The following NEXMIF variants were observed in gnomAD, a reference collection of about 807,000 sequenced individuals.
The protein encoded by NEXMIF is XLMR protein related to neurite extension.
In NEXMIF, 8 loss-of-function variants were observed where a neutral mutation model predicts 62.1. The ratio of observed to expected loss-of-function variants is 0.13; its 90% confidence interval spans 0.08 to 0.23. The LOEUF (loss-of-function observed/expected upper bound fraction) is 0.23. Among genes scored for constraint, NEXMIF ranks in the 10% least tolerant of loss-of-function variants. The pLI, the probability that NEXMIF is intolerant of heterozygous loss-of-function variation, is 1.00. For synonymous variants in NEXMIF, 404 were observed against 416.6 expected, an observed-to-expected ratio of 0.97 and a Z score of 0.37; for missense variants, 976 against 1,113.3, an observed-to-expected ratio of 0.88 and a Z score of 1.75.
intron 1 of NEXMIF, among the ~76,000 whole-genome samples, chrX:74,813,408 T>G (rs2080366532): frequency 8.9e-6 from 1 of 112,221 alleles, no homozygotes; most frequent in African/African-American, 3.2e-5. Flanking sequence ...GTCCTTCCTT[T>G]AGAAAAGAAG....
chrX:74,866,644 G>T lies in NEXMIF; in HGVS notation c.-48+58239C>A, dbSNP rs140559396. The stretch of plus-strand genomic sequence containing the variant: ...GCTCCCATAATCACCATATGTGGTG[G>T]GAGGGACCTGGTGGGACATAATTGA... On this transcript the variant is annotated intron_variant, in intron 1 of 3. Coordinates refer to ENST00000055682, the MANE Select transcript of NEXMIF (RefSeq NM_001008537.3). 8.9e-5 allele frequency among the ~76,000 whole-genome samples: 10 copies of T among 112,526 alleles called. No individual in the cohort carries two copies. The East Asian group carries it at 2.8e-3, about 32-fold the overall frequency.
chrX:74,903,799 C>T (rs1026364381), intron 1 of NEXMIF, among the ~76,000 whole-genome samples: 2 of 111,204 alleles, frequency 1.8e-5, no homozygotes, highest in African/African-American at 3.3e-5. Flanking sequence ...TCCTTTCTCC[C>T]AGCAAGCCTT....
intron 1 of NEXMIF, among the ~76,000 whole-genome samples, chrX:74,821,193 C>A (rs1281334307): frequency 2.7e-5 from 3 of 111,093 alleles, no homozygotes; most frequent in Non-Finnish European, 5.7e-5. Flanking sequence ...ATACCTCTCC[C>A]ATTCCTTTCC....
chrX:74,841,015 A>C (rs2080472183), intron 1 of NEXMIF, among the ~76,000 whole-genome samples: 1 of 112,275 alleles, frequency 8.9e-6, no homozygotes, highest in Non-Finnish European at 1.9e-5. Flanking sequence ...TAATTCTGTG[A>C]AGAATGTCAT....
At chrX:74,792,957 A>C (rs2080290564) in intron 1 of NEXMIF, among the ~76,000 whole-genome samples, 1 of 106,869 alleles carries the variant, frequency 9.4e-6, no homozygotes, top group South Asian at 4.3e-4. Context: ...TTTTAATTGG[A>C]GCATTTAGTC....
At chrX:74,864,236 G>A (rs184934434) in intron 1 of NEXMIF, among the ~76,000 whole-genome samples, 18 of 111,959 alleles carry the variant, frequency 1.6e-4, no homozygotes, top group South Asian at 7.5e-4. Context: ...CAGGGCAATC[G>A]GTCAAGAGAA....
chrX:74,823,317 G>C (rs944916687), intron 1 of NEXMIF, among the ~76,000 whole-genome samples: 1 of 111,400 alleles, frequency 9.0e-6, no homozygotes, highest in African/African-American at 3.3e-5. Context: ...TGAACTGTAT[G>C]CCTTAAATGC....
chrX:74,793,551 G>C (rs1602229799), intron 1 of NEXMIF, among the ~76,000 whole-genome samples: 1 of 111,441 alleles, frequency 9.0e-6, no homozygotes, highest in East Asian at 2.8e-4. Flanking sequence ...AGTTCTCCTG[G>C]AGAATATCCT....
In NEXMIF at chrX:74,822,002, C is replaced by T. The variant is rs183728976; in HGVS notation, c.-47-76305G>A. 3.3e-3 allele frequency among the ~76,000 whole-genome samples: 368 copies of T among 111,581 alleles called. 2 individuals carry two copies. The highest frequency in any genetic ancestry group is 0.011 in the African/African-American group (345 of 30,710). On this transcript the variant is annotated intron_variant, in intron 1 of 3. Transcript: ENST00000055682. ...TTTGGCTCAAGAGATCCTTCCGCCT[C>T]GGCCTCCCAGTGTTGGGATTACAGG... is the stretch of plus-strand genomic sequence containing the variant.
rs2080817824 is a variant in NEXMIF, at chrX:74,919,214, T to C, written c.-48+5669A>G. Among the ~76,000 whole-genome samples, 4 of 111,944 alleles carry C rather than the reference T, an allele frequency of 3.6e-5. No homozygotes were observed. The Admixed American group carries it at 3.8e-4, about 11-fold the overall frequency. On this transcript the variant is annotated intron_variant, in intron 1 of 3. Coordinates refer to ENST00000055682, the MANE Select transcript of NEXMIF (RefSeq NM_001008537.3). ...CATCACCTCTTTATGTGCATGTGTA[T>C]GTGCAAATACAAACAGGCATTTAGG...
intron 1 of NEXMIF, among the ~76,000 whole-genome samples, chrX:74,896,986 G>A (rs2080734834): frequency 8.9e-6 from 1 of 112,017 alleles, no homozygotes; most frequent in African/African-American, 3.2e-5. Context: ...TCACCCAATT[G>A]ATATCTACTA....
At chrX:74,854,710 T>TACAGAACACAAAATCA (rs1336779794) in intron 1 of NEXMIF, among the ~76,000 whole-genome samples, 1 of 112,056 alleles carries the variant, frequency 8.9e-6, no homozygotes, top group Non-Finnish European at 1.9e-5. Flanking sequence ...TTAGTAAAGT[T>TACAGAACACAAAATCA]ACAGAACACA....
At chrX:74,915,391 C>A (rs1456156151) in intron 1 of NEXMIF, among the ~76,000 whole-genome samples, 1 of 112,307 alleles carries the variant, frequency 8.9e-6, no homozygotes, top group Non-Finnish European at 1.9e-5. Context: ...TACACAGGGC[C>A]TCTCTGTCCT....
Position 74,741,355 on chromosome X carries a change from G to A in NEXMIF, c.3202C>T (p.Leu1068Phe), listed in dbSNP as rs1556016358. Reference sequence around the variant, plus strand: ...GTGTCCGGTGGGGACATCTCTGAAAGGGAAGAGTGGCGGAATTTGTCAGGG... The same window carrying A: ...GTGTCCGGTGGGGACATCTCTGAAAAGGAAGAGTGGCGGAATTTGTCAGGG... ...FTPDKFRHSS[L>F]SEMSPPDTPS... The change falls in exon 3 of 4, where the codon CTT becomes TTT. Residue 1068 changes from leucine (L) to phenylalanine (F), a missense_variant. Leu to Phe is a conservative substitution (Grantham distance 22, BLOSUM62 0). Transcript: ENST00000055682. 2 of 1,211,319 alleles carry A rather than the reference G, an allele frequency of 1.7e-6. No individual in the cohort carries two copies. Among genetic ancestry groups the A allele is most frequent in the Non-Finnish European group, 2.2e-6 (2 of 895,416 alleles).
Position 74,736,266 on chromosome X carries a change from T to C in NEXMIF, c.*3139A>G, listed in dbSNP as rs2080084771. 1 of 111,567 alleles carries C rather than the reference T, an allele frequency of 9.0e-6. No homozygotes were observed. Among genetic ancestry groups the C allele is most frequent in the Non-Finnish European group, 1.9e-5 (1 of 53,097 alleles). The allele number at this position is 111,567 out of a possible 1,213,427, so 9.2% of individuals were successfully genotyped here. A position where few individuals can be genotyped will look rare whatever the true frequency, so the allele number is the denominator to read the frequency against. On this transcript the variant is annotated 3_prime_UTR_variant, in exon 4 of 4. Transcript: ENST00000055682. Reference sequence around the variant, plus strand: ...GAATGGGAAGGTTTCCTTCTGAACTTCCAGAAGAAAGCAGCCTAAGATTGT... The same window carrying C: ...GAATGGGAAGGTTTCCTTCTGAACTCCCAGAAGAAAGCAGCCTAAGATTGT...
chrX:74,884,732 A>C (rs1423134962), intron 1 of NEXMIF, among the ~76,000 whole-genome samples: 1 of 111,667 alleles, frequency 9.0e-6, no homozygotes, highest in South Asian at 3.8e-4. Flanking sequence ...CATTAGACAA[A>C]TCAATGTGAC....
intron 1 of NEXMIF, among the ~76,000 whole-genome samples, chrX:74,790,326 T>C (rs2080276186): frequency 8.9e-6 from 1 of 112,775 alleles, no homozygotes; most frequent in Non-Finnish European, 1.9e-5. Flanking sequence ...TTCTGTTCCA[T>C]TGATCTATAT....
intron 1 of NEXMIF, among the ~76,000 whole-genome samples, chrX:74,880,984 C>T (rs2080660530): frequency 9.0e-6 from 1 of 111,330 alleles, no homozygotes. Context: ...CTCAGCTCCA[C>T]CTATTTAAAA....
chrX:74,831,263 T>C (rs1381966981), intron 1 of NEXMIF, among the ~76,000 whole-genome samples: 2 of 110,733 alleles, frequency 1.8e-5, no homozygotes, highest in Non-Finnish European at 3.8e-5. Context: ...TACATATGTA[T>C]ACATGTGCCA....
Sources: allele counts gnomAD v4.1 joint callset (sites outside exome capture counted in the v4.1 genomes callset), GRCh38; gene constraint gnomAD v4.1.1; transcripts MANE v1.5; gene names NCBI Gene and HGNC (gene_info 2026-07-23, HGNC 2026-07-21).